TNRC6A: variants seen among roughly 807,000 people sequenced by gnomAD.
TNRC6A encodes the protein trinucleotide repeat containing adaptor 6A.
Under a neutral mutation model 221.2 loss-of-function variants are expected in TNRC6A, and 44 were observed. The observed-to-expected ratio is 0.20, with a 90% CI of 0.16 to 0.26. TNRC6A has a LOEUF of 0.26. Ranked by LOEUF, TNRC6A falls within the 10% of genes least tolerant of loss-of-function variation. The probability of loss-of-function intolerance (pLI) is 1.00; values close to 1 mark genes in which losing one functional copy is unlikely to be tolerated. For missense variants in TNRC6A, 2,199 were observed against 2,404.4 expected (o/e 0.91, Z 1.79); for synonymous variants, 847 against 838.5 (o/e 1.01, Z -0.18).
intron 2 of TNRC6A, among the ~76,000 whole-genome samples, chr16:24,714,505 C>T (rs1055906470): frequency 6.6e-6 from 1 of 151,558 alleles, no homozygotes; most frequent in Admixed American, 6.6e-5. Context: ...GGGGGTTTCA[C>T]TGTGTTAGCC....
chr16:24,723,233 C>T (rs1567388704), intron 2 of TNRC6A, among the ~76,000 whole-genome samples: 1 of 152,250 alleles, frequency 6.6e-6, no homozygotes, highest in Middle Eastern at 3.4e-3. Context: ...CACTTCACCT[C>T]CACTCCGCAG....
chr16:24,645,724 C>T lies in TNRC6A; in HGVS notation n.402+4715C>T, dbSNP rs140316776. Among the ~76,000 whole-genome samples, 1,369 of 148,146 alleles carry T rather than the reference C, an allele frequency of 9.2e-3. 16 individuals are homozygous for T. The highest frequency in any genetic ancestry group is 0.031 in the African/African-American group (1,261 of 40,314). ...ATTAAAAATATTTTGCAGCCAGGCG[C>T]GGTGGCTCATGCCTGTAATCCCAGC... On this transcript the variant is annotated intron_variant and non_coding_transcript_variant, in intron 2 of 2. Transcript: ENST00000566108.
At chr16:24,742,800 G>A (rs955831828) in intron 2 of TNRC6A, among the ~76,000 whole-genome samples, 1 of 152,102 alleles carries the variant, frequency 6.6e-6, no homozygotes, top group Non-Finnish European at 1.5e-5. Flanking sequence ...GCAGGTACCT[G>A]TAGTCCCAGC....
chr16:24,658,454 C>T (rs570925564), intron 2 of TNRC6A, among the ~76,000 whole-genome samples: 29 of 152,268 alleles, frequency 1.9e-4, no homozygotes, highest in African/African-American at 6.7e-4. Context: ...CTCTGCCTTC[C>T]CAATTCGAGC....
chr16:24,662,743 A>G (rs972888564), intron 2 of TNRC6A: 2 of 153,572 alleles, frequency 1.3e-5, no homozygotes, highest in Non-Finnish European at 2.9e-5. Flanking sequence ...TAGCAGGTGT[A>G]TTTTTCATTG....
intron 2 of TNRC6A, among the ~76,000 whole-genome samples, chr16:24,648,033 T>C (rs1321805719): frequency 1.3e-5 from 2 of 152,190 alleles, no homozygotes; most frequent in Non-Finnish European, 2.9e-5. Flanking sequence ...TCATCCATAT[T>C]GTAACAAGTG....
chr16:24,705,171 A>G (rs1567372871), intron 2 of TNRC6A, among the ~76,000 whole-genome samples: 1 of 152,052 alleles, frequency 6.6e-6, no homozygotes, highest in Non-Finnish European at 1.5e-5. Context: ...GCTATTATTA[A>G]TTTTGTTTTA....
intron 2 of TNRC6A, among the ~76,000 whole-genome samples, chr16:24,668,188 C>T (rs1037221401): frequency 6.6e-6 from 1 of 151,692 alleles, no homozygotes; most frequent in African/African-American, 2.4e-5. Flanking sequence ...ATTAGCCAGG[C>T]GTGGTGGCGC....
In TNRC6A at chr16:24,769,320, A is replaced by C. The variant is rs1018923273; in HGVS notation, c.164-7613A>C. ...ACAAAGTGGGGGGTCCTGATTTGGA[A>C]CACAGACTAGGAAAAGGTAGGGTGA... On this transcript the variant is annotated intron_variant, in intron 4 of 24. Coordinates refer to ENST00000395799, the MANE Select transcript of TNRC6A (RefSeq NM_014494.4). Among the ~76,000 whole-genome samples the C allele has an allele frequency of 9.2e-5, 14 of 152,284 alleles. No individual in the cohort carries two copies. In the South Asian group the frequency reaches 2.3e-3, roughly 25 times the overall value.
At chr16:24,776,229 T>C (rs2057715390) in intron 4 of TNRC6A, 2 of 979,546 alleles carry the variant, frequency 2.0e-6, no homozygotes, top group Non-Finnish European at 2.4e-6. Context: ...TTCCACTCTT[T>C]TATGAGTCAA....
chr16:24,786,216 G>A (rs1393946057), intron 5 of TNRC6A, among the ~76,000 whole-genome samples: 1 of 152,202 alleles, frequency 6.6e-6, no homozygotes, highest in East Asian at 1.9e-4. Flanking sequence ...TCATTAGCAT[G>A]CATTTATCAA....
At chr16:24,750,876 CTT>C in intron 3 of TNRC6A, 63 bp downstream of exon 3, 1 of 1,314,200 alleles carries the variant, frequency 7.6e-7, no homozygotes, top group Non-Finnish European at 9.9e-7. Flanking sequence ...AAAAATTACT[CTT>C]ACAGATTTTG....
At chr16:24,820,481 T>C in intron 22 of TNRC6A, 121 bp downstream of exon 22, 1 of 860,282 alleles carries the variant, frequency 1.2e-6, no homozygotes, top group East Asian at 2.7e-5. Flanking sequence ...TCAGGGGGAA[T>C]GAGAACTTCG....
intron 2 of TNRC6A, among the ~76,000 whole-genome samples, chr16:24,714,403 G>T (rs2056272009): frequency 7.1e-6 from 1 of 140,594 alleles, no homozygotes; most frequent in South Asian, 2.2e-4. Context: ...CCGCCTCCCA[G>T]GTTCACACCA....
chr16:24,822,949 G>A lies in TNRC6A; in HGVS notation c.5449G>A (p.Gly1817Arg), dbSNP rs539397420. Residue 1817 changes from glycine (G) to arginine (R), a missense_variant, in exon 24 of 25, where the codon GGA becomes AGA. This residue lies in a region of TNRC6A where 27 missense variants were observed against 66.0 expected (regional missense o/e 0.41). Transcript: ENST00000395799. The stretch of plus-strand genomic sequence containing the variant: ...CACATTCCACCTGAACCTCCCTCAC[G>A]GAAATGCTCTGGTCCGCTACAGTTC... Reference protein sequence around the residue: ...LITFHLNLPHGNALVRYSSKE... With the variant: ...LITFHLNLPHRNALVRYSSKE... 3.1e-6 allele frequency: 5 copies of A among 1,614,232 alleles called. No individual in the cohort carries two copies. The highest frequency in any genetic ancestry group is 2.2e-5 in the East Asian group (1 of 44,888).
At chr16:24,759,527 A>G (rs1159402868) in intron 4 of TNRC6A, among the ~76,000 whole-genome samples, 1 of 152,154 alleles carries the variant, frequency 6.6e-6, no homozygotes, top group Non-Finnish European at 1.5e-5. Flanking sequence ...CAGCATGGGG[A>G]ATACGACGTG....
rs778365192 is a variant in TNRC6A at position 24,790,986 on chromosome 16, G to C, written c.2344G>C (p.Gly782Arg). 6.2e-7 allele frequency: 1 copy of C among 1,600,730 alleles called. No homozygotes were observed. The highest frequency in any genetic ancestry group is 8.5e-7 in the Non-Finnish European group (1 of 1,173,314). Reference sequence around the variant, plus strand: ...TGGTAATGATACCTCATCTGTATCAGGGTGGGGCGATCCCAAACCTGCTCT... The same window carrying C: ...TGGTAATGATACCTCATCTGTATCACGGTGGGGCGATCCCAAACCTGCTCT... Reference protein sequence around the residue: ...PNGNDTSSVSGWGDPKPALRW... With the variant: ...PNGNDTSSVSRWGDPKPALRW... The change falls in exon 6 of 25, where the codon GGG becomes CGG. Residue 782 changes from glycine (G) to arginine (R), a missense_variant. By Grantham distance (125) the Gly-to-Arg change is moderately radical. Coordinates refer to ENST00000395799, the MANE Select transcript of TNRC6A (RefSeq NM_014494.4).
Position 24,729,697 on chromosome 16 carries a change from C to T in TNRC6A, c.-145C>T, listed in dbSNP as rs1422881069. The T allele has an allele frequency of 3.6e-4, 350 of 967,394 alleles. 6 individuals are homozygous for T. In the East Asian group the frequency reaches 7.7e-3, roughly 21 times the overall value. 59.9% of individuals were successfully genotyped at this position (967,394 alleles called of 1,614,324 possible). A position where few individuals can be genotyped will look rare whatever the true frequency, so the allele number is the denominator to read the frequency against. ...GCGGCGGCGGTGTCGGCGGCGGCGGCGGCGGCGGCGGCGGCGGCGGCAGCG... is the reference window on the plus strand; with the variant it reads ...GCGGCGGCGGTGTCGGCGGCGGCGGTGGCGGCGGCGGCGGCGGCGGCAGCG... On this transcript the variant is annotated 5_prime_UTR_variant, in exon 1 of 25. Transcript: ENST00000395799.
chr16:24,747,562 T>C (rs779962361), intron 2 of TNRC6A, among the ~76,000 whole-genome samples: 49 of 152,308 alleles, frequency 3.2e-4, no homozygotes, highest in Non-Finnish European at 4.7e-4. Flanking sequence ...GTAAATGATA[T>C]AGTCAGATGT....
Sources: allele counts gnomAD v4.1 joint callset (sites outside exome capture counted in the v4.1 genomes callset), GRCh38; gene constraint gnomAD v4.1.1; regional missense constraint gnomAD v4.1.1; transcripts MANE v1.5; gene names NCBI Gene and HGNC (gene_info 2026-07-23, HGNC 2026-07-21).